The following NR5A2 variants were observed in gnomAD, a reference collection of about 807,000 sequenced individuals.
The protein encoded by NR5A2 is nuclear receptor subfamily 5 group A member 2.
A neutral mutation model predicts 62.7 loss-of-function variants in NR5A2; 26 were observed. The ratio of observed to expected loss-of-function variants is 0.41; its 90% confidence interval spans 0.30 to 0.58. The LOEUF is 0.58. Among genes scored for constraint, NR5A2 ranks in the 20% least tolerant of loss-of-function variants. The pLI is 0.22. For synonymous variants in NR5A2, 246 were observed against 241.7 expected, an observed-to-expected ratio of 1.02 and a Z score of -0.16; for missense variants, 541 against 669.1, an observed-to-expected ratio of 0.81 and a Z score of 2.11.
chr1:200,066,368 C>A (rs890262948), intron 5 of NR5A2, among the ~76,000 whole-genome samples: 1 of 149,692 alleles, frequency 6.7e-6, no homozygotes, highest in Non-Finnish European at 1.5e-5. Context: ...AGGGGAAAAT[C>A]CTGCACATGT....
At chr1:200,066,615 T>C (rs2102206995) in intron 5 of NR5A2, among the ~76,000 whole-genome samples, 1 of 121,152 alleles carries the variant, frequency 8.3e-6, no homozygotes, top group East Asian at 2.3e-4. Context: ...TGAGAGGGAG[T>C]CTCACTCTGT....
intron 5 of NR5A2, among the ~76,000 whole-genome samples, chr1:200,090,688 A>G (rs1383506484): frequency 6.6e-6 from 1 of 152,212 alleles, no homozygotes; most frequent in African/African-American, 2.4e-5. Context: ...CAGGGGAACA[A>G]AAACCCTTCT....
intron 7 of NR5A2, among the ~76,000 whole-genome samples, chr1:200,173,334 C>T (rs1440062653): frequency 1.3e-5 from 2 of 152,190 alleles, no homozygotes; most frequent in African/African-American, 2.4e-5. Context: ...ACAAGGCTCT[C>T]ATTTGATAAA....
chr1:200,032,369 C>A (rs1381733912), intron 1 of NR5A2, among the ~76,000 whole-genome samples: 1 of 152,128 alleles, frequency 6.6e-6, no homozygotes, highest in East Asian at 1.9e-4. Flanking sequence ...CTTCTTTAGT[C>A]TTTTGGGAAG....
intron 3 of NR5A2, 94 bp from the exon 4 acceptor site, chr1:200,045,349 T>G (rs1662309314): frequency 7.8e-5 from 88 of 1,127,644 alleles, no homozygotes; most frequent in Non-Finnish European, 1.0e-4. Context: ...AATAGTGCAA[T>G]GAGAGGATTT....
chr1:200,112,056 G>T (rs987027066), intron 6 of NR5A2, among the ~76,000 whole-genome samples: 1 of 150,980 alleles, frequency 6.6e-6, no homozygotes, highest in South Asian at 2.1e-4. Context: ...ATATGTTAAA[G>T]GTCAAAGTGC....
At chr1:200,077,406 G>T (rs2816924) in intron 5 of NR5A2, among the ~76,000 whole-genome samples, 73,100 of 152,010 alleles carry the variant, frequency 0.48, 17,613 homozygotes, top group Middle Eastern at 0.52. Context: ...AATTAATTGC[G>T]GTTTTTGCCA....
chr1:200,111,493 G>A (rs1384476826), intron 6 of NR5A2, among the ~76,000 whole-genome samples, 172 bp downstream of exon 6: 2 of 152,206 alleles, frequency 1.3e-5, no homozygotes, highest in Non-Finnish European at 2.9e-5. Flanking sequence ...GATTATTATA[G>A]TTAAACTTGT....
At position 200,027,769 on chromosome 1, in the gene NR5A2, G is replaced by A. The variant is rs562340283; in HGVS notation, c.-79G>A. On this transcript the variant is annotated 5_prime_UTR_variant, in exon 1 of 8. Transcript: ENST00000367362. ...TCTGATGTGTCCTTCCCAAGGCCAC[G>A]AAATTTGACAAGCTGCACTTTTCTT... The A allele has an allele frequency of 2.5e-5, 27 of 1,070,642 alleles. No individual in the cohort carries two copies. In the African/African-American group the frequency reaches 3.7e-4, roughly 15 times the overall value. The allele number at this position is 1,070,642 out of a possible 1,614,324, so 66.3% of individuals were successfully genotyped here.
At chr1:200,104,236 A>G (rs1665537041) in intron 5 of NR5A2, among the ~76,000 whole-genome samples, 1 of 152,230 alleles carries the variant, frequency 6.6e-6, no homozygotes, top group Non-Finnish European at 1.5e-5. Flanking sequence ...TGAGTATTGC[A>G]ACAATTGACT....
At position 200,048,423 on chromosome 1, in the gene NR5A2, C is replaced by T. The variant is rs753174754; in HGVS notation, c.715C>T (p.Pro239Ser). Residue 239 changes from proline (P) to serine (S), a missense_variant, in exon 5 of 8, where the codon CCC becomes TCC. Pro to Ser is a moderately conservative substitution (Grantham distance 74, BLOSUM62 -1). Coordinates refer to ENST00000367362, the MANE Select transcript of NR5A2 (RefSeq NM_205860.3). This position sits in a 1 kb window ranked among gnomAD's most constrained non-coding sequence, Gnocchi z 4.8. ...ALPPTDYDRSPFVTSPISMTM... is the reference protein window; with the variant it reads ...ALPPTDYDRSSFVTSPISMTM... ...GCCTCCTACAGACTATGACAGAAGTCCCTTTGTAACATCCCCCATTAGCAT... is the reference window on the plus strand; with the variant it reads ...GCCTCCTACAGACTATGACAGAAGTTCCTTTGTAACATCCCCCATTAGCAT... 6.2e-7 allele frequency: 1 copy of T among 1,614,186 alleles called. No individual in the cohort carries two copies. Among genetic ancestry groups the T allele is most frequent in the Admixed American group, 1.7e-5 (1 of 60,018 alleles).
chr1:200,096,507 A>T (rs780996191), intron 5 of NR5A2, among the ~76,000 whole-genome samples: 2 of 152,156 alleles, frequency 1.3e-5, no homozygotes, highest in Non-Finnish European at 2.9e-5. Flanking sequence ...CTAGGCCTGT[A>T]TCTGTCTACA....
intron 5 of NR5A2, among the ~76,000 whole-genome samples, chr1:200,079,751 C>T (rs928753487): frequency 6.6e-6 from 1 of 152,166 alleles, no homozygotes. Flanking sequence ...AGCCCACTGG[C>T]AGGCTGTTGG....
intron 7 of NR5A2, among the ~76,000 whole-genome samples, chr1:200,152,714 A>AT (rs1240916067): frequency 2.6e-5 from 4 of 151,866 alleles, no homozygotes; most frequent in African/African-American, 4.8e-5. Flanking sequence ...ACTTTTGTGG[A>AT]TTTTTTTTCT....
chr1:200,045,692 A>C (rs1047191408), intron 4 of NR5A2, 108 bp downstream of exon 4: 4 of 826,260 alleles, frequency 4.8e-6, no homozygotes, highest in Non-Finnish European at 3.6e-6. Context: ...GCATTTTAAC[A>C]CTACCGACAA....
intron 7 of NR5A2, among the ~76,000 whole-genome samples, chr1:200,122,697 C>T (rs375645457): frequency 6.6e-6 from 1 of 152,100 alleles, no homozygotes; most frequent in African/African-American, 2.4e-5. Context: ...ATGAGCACTT[C>T]GATTGTTTCA....
intron 5 of NR5A2, among the ~76,000 whole-genome samples, chr1:200,067,863 A>G (rs1285631660): frequency 6.6e-6 from 1 of 152,244 alleles, no homozygotes; most frequent in African/African-American, 2.4e-5. Flanking sequence ...CAGAGAAATA[A>G]TGGCTGAGAA....
chr1:200,150,226 A>G (rs1028736567), intron 7 of NR5A2, among the ~76,000 whole-genome samples: 5 of 152,192 alleles, frequency 3.3e-5, no homozygotes, highest in African/African-American at 1.2e-4. Flanking sequence ...TATGAACCTA[A>G]ACCATCTTGT....
At chr1:200,057,780 C>T (rs1571727698) in intron 5 of NR5A2, 1 of 182,592 alleles carries the variant, frequency 5.5e-6, no homozygotes, top group Non-Finnish European at 1.2e-5. Flanking sequence ...TGCGCCTGGC[C>T]GTAATTGTGC....
Sources: gnomAD v4.1 joint callset for allele counts (sites outside exome capture counted in the v4.1 genomes callset) on GRCh38, gnomAD v4.1.1 for gene constraint, Gnocchi (gnomAD v3.1) non-coding constraint, MANE v1.5 for transcripts, NCBI Gene and HGNC (gene_info 2026-07-23, HGNC 2026-07-21) for gene names.